FOXK1: variants seen among roughly 807,000 people sequenced by gnomAD.
FOXK1 encodes forkhead box K1.
Under a neutral mutation model 51.9 loss-of-function variants are expected in FOXK1, and 19 were observed. The ratio of observed to expected loss-of-function variants is 0.37; its 90% CI spans 0.26 to 0.54. FOXK1 has a LOEUF of 0.54. FOXK1 is among the 20% of genes least tolerant of loss of function. FOXK1 has a pLI of 0.87. For missense variants in FOXK1, 870 were observed against 1,032.7 expected (o/e 0.84, Z 2.16); for synonymous variants, 537 against 482.6 (o/e 1.11, Z -1.48).
intron 1 of FOXK1, among the ~76,000 whole-genome samples, chr7:4,708,527 G>T (rs980392963): frequency 6.6e-6 from 1 of 152,188 alleles, no homozygotes; most frequent in Non-Finnish European, 1.5e-5. Flanking sequence ...ATTTTACATG[G>T]CAGAACAAGA....
rs542959281 is a variant in FOXK1 at position 4,754,835 on chromosome 7, GC to G, written c.903+222del. The G allele has an allele frequency of 6.0e-3, 3,930 of 651,880 alleles. 18 individuals are homozygous for G. The highest frequency in any genetic ancestry group is 8.9e-3 in the Non-Finnish European group (3,439 of 387,606). The allele number at this position is 651,880 out of a possible 1,614,324, so 40.4% of individuals were successfully genotyped here. On this transcript the variant is annotated intron_variant, in intron 3 of 8. Coordinates refer to ENST00000328914, the MANE Select transcript of FOXK1 (RefSeq NM_001037165.2). Reference sequence around the variant, plus strand: ...GTCATTTGCTGGTGACAGGGGTGGCGCCGTCACCGAGGGCCCCTCCCGCCAC... The same window carrying G: ...GTCATTTGCTGGTGACAGGGGTGGCGCGTCACCGAGGGCCCCTCCCGCCAC...
In FOXK1 at chr7:4,707,799, C is replaced by T. The variant is rs1223585164; in HGVS notation, c.560+24931C>T. On this transcript the variant is annotated intron_variant, in intron 1 of 8. Transcript: ENST00000328914. This position sits in a 1 kb window ranked among gnomAD's most constrained non-coding sequence, Gnocchi z 4.1. ...TCCTGGGTTCAAGCAATTCTCCTAC[C>T]TCAGCCCCCCAAGTAGCTGGGATGA... is the stretch of plus-strand genomic sequence containing the variant. 6.6e-6 allele frequency among the ~76,000 whole-genome samples: 1 copy of T among 152,058 alleles called. No homozygotes were observed. The highest frequency in any genetic ancestry group is 1.9e-4 in the East Asian group (1 of 5,182).
Position 4,762,457 on chromosome 7 carries a change from G to T in FOXK1, c.2195G>T (p.Gly732Val). The change falls in exon 9 of 9, where the codon GGG becomes GTG. Residue 732 changes from glycine to valine, a missense_variant. By Grantham distance (109) the Gly-to-Val change is moderately radical. Transcript: ENST00000328914. The surrounding 1 kb of genome is among the most constrained non-coding windows in gnomAD (Gnocchi z 5.7). ...AAAGPQGPGT[G>V]E is the part of the protein sequence containing the mutation. ...GCCGGCCCCCAGGGGCCAGGCACCGGGGAGTGAGGTCACCTGCAACGCGGG... is the reference window on the plus strand; with the variant it reads ...GCCGGCCCCCAGGGGCCAGGCACCGTGGAGTGAGGTCACCTGCAACGCGGG... 1 of 1,541,728 alleles carries T rather than the reference G, an allele frequency of 6.5e-7. No individual in the cohort carries two copies. Among genetic ancestry groups the T allele is most frequent in the Non-Finnish European group, 8.8e-7 (1 of 1,141,398 alleles).
chr7:4,741,781 A>G (rs1365280973), intron 2 of FOXK1, among the ~76,000 whole-genome samples: 1 of 152,244 alleles, frequency 6.6e-6, no homozygotes, highest in African/African-American at 2.4e-5. Flanking sequence ...ATGTTATACA[A>G]TGATGAGCCC....
chr7:4,684,851 G>A (rs1779798848), intron 1 of FOXK1, among the ~76,000 whole-genome samples: 1 of 152,032 alleles, frequency 6.6e-6, no homozygotes, highest in Admixed American at 6.6e-5. Context: ...TGTAATTCAA[G>A]GGGAAAAAAT....
intron 1 of FOXK1, among the ~76,000 whole-genome samples, chr7:4,690,599 G>C (rs1034571146): frequency 3.9e-5 from 6 of 152,230 alleles, no homozygotes; most frequent in Admixed American, 6.5e-5. Flanking sequence ...TCTATGAGGA[G>C]GGTGTTGTCG....
At chr7:4,693,707 G>A (rs1433930485) in intron 1 of FOXK1, among the ~76,000 whole-genome samples, 4 of 152,116 alleles carry the variant, frequency 2.6e-5, no homozygotes, top group East Asian at 3.9e-4. Context: ...GTGAGTCCTG[G>A]AGTAAAGTCA....
chr7:4,710,681 G>T (rs1469799214), intron 1 of FOXK1, among the ~76,000 whole-genome samples: 1 of 152,158 alleles, frequency 6.6e-6, no homozygotes, highest in Non-Finnish European at 1.5e-5. Flanking sequence ...GACCACAAGG[G>T]CATGTTCTTG....
At chr7:4,724,480 G>C (rs1452402623) in intron 1 of FOXK1, among the ~76,000 whole-genome samples, 1 of 152,240 alleles carries the variant, frequency 6.6e-6, no homozygotes, top group African/African-American at 2.4e-5. Context: ...ACAGGCGTGA[G>C]CCACTGTGCC....
chr7:4,712,462 G>A (rs998184349), intron 1 of FOXK1, among the ~76,000 whole-genome samples: 3 of 152,170 alleles, frequency 2.0e-5, no homozygotes, highest in South Asian at 4.1e-4. Flanking sequence ...GAAAGGAGAC[G>A]TGTTAGTTTC....
In FOXK1 at chr7:4,756,411, C is replaced by T. The variant is rs555703881; in HGVS notation, c.1051-583C>T. ...GATTACAGGCGTGAGCCACTGTGCCCGGCCAAGACCCAGTGTTTTCTTTCT... is the reference window on the plus strand; with the variant it reads ...GATTACAGGCGTGAGCCACTGTGCCTGGCCAAGACCCAGTGTTTTCTTTCT... On this transcript the variant is annotated intron_variant, in intron 4 of 8. Transcript: ENST00000328914. The surrounding 1 kb of genome is among the most constrained non-coding windows in gnomAD (Gnocchi z 4.1). 8.5e-5 allele frequency among the ~76,000 whole-genome samples: 13 copies of T among 152,066 alleles called. No individual in the cohort carries two copies. The South Asian group carries it at 1.9e-3, about 22-fold the overall frequency.
chr7:4,716,158 C>G (rs1462355289), intron 1 of FOXK1, among the ~76,000 whole-genome samples: 1 of 151,340 alleles, frequency 6.6e-6, no homozygotes, highest in Non-Finnish European at 1.5e-5. Flanking sequence ...AAGGCAGAGG[C>G]TACAGTGAGT....
In FOXK1 at chr7:4,734,391, G is replaced by A. The variant is rs150809108; in HGVS notation, c.561-6447G>A. ...TTGTGGTCCTGGCCTTGGTGGGCAG[G>A]TGCAGGGCCCGCTCCCTCCTTGGGA... On this transcript the variant is annotated intron_variant, in intron 1 of 8. Coordinates refer to ENST00000328914, the MANE Select transcript of FOXK1 (RefSeq NM_001037165.2). This position sits in a 1 kb window ranked among gnomAD's most constrained non-coding sequence, Gnocchi z 5.2. Among the ~76,000 whole-genome samples the A allele has an allele frequency of 1.3e-5, 2 of 152,190 alleles. No homozygotes were observed. Among genetic ancestry groups the A allele is most frequent in the Admixed American group, 1.3e-4 (2 of 15,276 alleles).
At position 4,755,314 on chromosome 7, in the gene FOXK1, C is replaced by T. The variant is rs1397801819; in HGVS notation, c.981C>T (p.Thr327=). ...AISSAQDRQL[T]LSGIYAHITK... ...CCTCCGCCCAGGACCGGCAGCTGAC[C>T]CTGAGCGGGATCTACGCCCACATCA... The change falls in exon 4 of 9, where the codon ACC becomes ACT. Residue 327 remains threonine (T), a synonymous_variant. Transcript: ENST00000328914. The surrounding 1 kb of genome is among the most constrained non-coding windows in gnomAD (Gnocchi z 6.6). 6.2e-7 allele frequency: 1 copy of T among 1,613,802 alleles called. No individual in the cohort carries two copies. Among genetic ancestry groups the T allele is most frequent in the East Asian group, 2.2e-5 (1 of 44,892 alleles).
intron 1 of FOXK1, among the ~76,000 whole-genome samples, chr7:4,737,137 CCTT>C (rs1449210122): frequency 2.6e-5 from 4 of 152,042 alleles, no homozygotes; most frequent in Non-Finnish European, 5.9e-5. Context: ...TCCAGGATCC[CCTT>C]CTTCTTGTGA....
chr7:4,743,607 G>A lies in FOXK1; in HGVS notation c.746+2584G>A, dbSNP rs1223425336. 6.6e-6 allele frequency among the ~76,000 whole-genome samples: 1 copy of A among 152,222 alleles called. No individual in the cohort carries two copies. Among genetic ancestry groups the A allele is most frequent in the Non-Finnish European group, 1.5e-5 (1 of 68,048 alleles). On this transcript the variant is annotated intron_variant, in intron 2 of 8. Transcript: ENST00000328914. This position sits in a 1 kb window ranked among gnomAD's most constrained non-coding sequence, Gnocchi z 5.3. ...ATGGGAATTGCATCTGAAGAAAGCA[G>A]TTGAGCGCAGTATATGTACTTAAGT...
Position 4,733,841 on chromosome 7 carries a change from C to T in FOXK1, c.561-6997C>T, listed in dbSNP as rs1780513347. Among the ~76,000 whole-genome samples the T allele has an allele frequency of 6.6e-6, 1 of 152,128 alleles. No homozygotes were observed. Among genetic ancestry groups the T allele is most frequent in the Non-Finnish European group, 1.5e-5 (1 of 68,036 alleles). ...TGGGTGGGACGGTGGGAGCCTTTCC[C>T]TGGTCTTTAGTCCGGCTGACATCCT... is the stretch of plus-strand genomic sequence containing the variant. On this transcript the variant is annotated intron_variant, in intron 1 of 8. Coordinates refer to ENST00000328914, the MANE Select transcript of FOXK1 (RefSeq NM_001037165.2). The surrounding 1 kb of genome is among the most constrained non-coding windows in gnomAD (Gnocchi z 5.0).
At chr7:4,757,283 G>A (rs1780865478) in intron 5 of FOXK1, 96 bp downstream of exon 5, 1 of 1,128,992 alleles carries the variant, frequency 8.9e-7, no homozygotes, top group Non-Finnish European at 1.3e-6. Flanking sequence ...CCGGATCTGT[G>A]GGCTCAGGCT....
chr7:4,718,039 G>T lies in FOXK1; in HGVS notation c.561-22799G>T, dbSNP rs138222428. Among the ~76,000 whole-genome samples the T allele has an allele frequency of 2.0e-3, 308 of 152,266 alleles. 2 individuals carry two copies. Among genetic ancestry groups the T allele is most frequent in the African/African-American group, 7.2e-3 (298 of 41,544 alleles). On this transcript the variant is annotated intron_variant, in intron 1 of 8. Coordinates refer to ENST00000328914, the MANE Select transcript of FOXK1 (RefSeq NM_001037165.2). ...GTTGAAGGAAAGGAAAGTGGGGGTC[G>T]CTGCCTCTGGGGGCCCTGTTGCCCG... is the stretch of plus-strand genomic sequence containing the variant.
Sources: allele counts gnomAD v4.1 joint callset (sites outside exome capture counted in the v4.1 genomes callset), GRCh38; gene constraint gnomAD v4.1.1; non-coding constraint Gnocchi (gnomAD v3.1); transcripts MANE v1.5; gene names NCBI Gene and HGNC (gene_info 2026-07-23, HGNC 2026-07-21).